IL1RAPL1: variants seen among roughly 807,000 people sequenced by gnomAD.
IL1RAPL1 encodes interleukin-1 receptor accessory protein-like 1.
In IL1RAPL1, 3 loss-of-function variants were observed where a neutral mutation model predicts 48.4. The observed-to-expected ratio is 0.06, with a 90% CI of 0.03 to 0.16. The LOEUF is 0.16. IL1RAPL1 is among the 10% of genes least tolerant of loss of function. The pLI, the probability that IL1RAPL1 is intolerant of heterozygous loss-of-function variation, is 1.00. For missense variants in IL1RAPL1, 349 were observed against 530.6 expected (o/e 0.66, Z 3.36); for synonymous variants, 185 against 187.7 (o/e 0.99, Z 0.12).
intron 6 of IL1RAPL1, among the ~76,000 whole-genome samples, chrX:29,879,365 G>A (rs866865304): frequency 6.5e-5 from 6 of 91,845 alleles, no homozygotes; most frequent in African/African-American, 2.7e-4. Context: ...ATATGTGTGT[G>A]TGTGTGTGTG....
At chrX:29,010,268 C>T (rs765732743) in intron 2 of IL1RAPL1, among the ~76,000 whole-genome samples, 2 of 111,885 alleles carry the variant, frequency 1.8e-5, no homozygotes, top group East Asian at 2.8e-4. Flanking sequence ...CTGGCTAGCA[C>T]TTCCAGTACT....
chrX:29,320,153 A>T (rs1204947231), intron 3 of IL1RAPL1, among the ~76,000 whole-genome samples: 1 of 112,458 alleles, frequency 8.9e-6, no homozygotes, highest in East Asian at 2.8e-4. Flanking sequence ...AAATAAAGGT[A>T]TCTTATTCTG....
intron 2 of IL1RAPL1, among the ~76,000 whole-genome samples, chrX:29,270,506 C>T (rs1048173965): frequency 8.9e-6 from 1 of 112,115 alleles, no homozygotes; most frequent in South Asian, 3.6e-4. Flanking sequence ...TACCCAAATA[C>T]TCCAGCACCA....
intron 3 of IL1RAPL1, among the ~76,000 whole-genome samples, chrX:29,314,775 A>G (rs1394384780): frequency 1.8e-5 from 2 of 112,239 alleles, no homozygotes; most frequent in African/African-American, 6.5e-5. Flanking sequence ...GCTGTTAAAT[A>G]TATTTTTCAA....
At chrX:29,774,219 C>CT (rs1929137681) in intron 6 of IL1RAPL1, among the ~76,000 whole-genome samples, 1 of 104,973 alleles carries the variant, frequency 9.5e-6, no homozygotes, top group Admixed American at 1.1e-4. Flanking sequence ...TTTAAATAGG[C>CT]TTTATAAAGG....
chrX:29,553,577 C>T lies in IL1RAPL1; in HGVS notation c.704-114853C>T, dbSNP rs571910176. Among the ~76,000 whole-genome samples the T allele has an allele frequency of 9.8e-5, 11 of 111,701 alleles. No individual in the cohort carries two copies. In the South Asian group the frequency reaches 4.2e-3, roughly 42 times the overall value. On this transcript the variant is annotated intron_variant, in intron 5 of 10. Coordinates refer to ENST00000378993, the MANE Select transcript of IL1RAPL1 (RefSeq NM_014271.4). Reference sequence around the variant, plus strand: ...TTTTTGCTTCCCCTCTTAGGTGAGACAGGAAAACCAGAGGGAGCTGGAGTT... The same window carrying T: ...TTTTTGCTTCCCCTCTTAGGTGAGATAGGAAAACCAGAGGGAGCTGGAGTT...
At chrX:28,804,569 T>A (rs1936708325) in intron 2 of IL1RAPL1, among the ~76,000 whole-genome samples, 1 of 111,404 alleles carries the variant, frequency 9.0e-6, no homozygotes, top group Non-Finnish European at 1.9e-5. Context: ...TTGTTGCTCC[T>A]TCCTGAACTC....
intron 8 of IL1RAPL1, among the ~76,000 whole-genome samples, chrX:29,921,976 A>G (rs1245811249): frequency 1.8e-5 from 2 of 111,616 alleles, no homozygotes; most frequent in East Asian, 5.6e-4. Flanking sequence ...TTAATTAAAG[A>G]GTTTGAATTA....
intron 6 of IL1RAPL1, among the ~76,000 whole-genome samples, chrX:29,813,576 T>C (rs777647094): frequency 1.3e-4 from 14 of 111,972 alleles, no homozygotes; most frequent in Admixed American, 1.0e-3. Context: ...TTTTATTTTT[T>C]AATTTTTAAA....
intron 6 of IL1RAPL1, among the ~76,000 whole-genome samples, chrX:29,895,256 C>G (rs1047594625): frequency 9.0e-6 from 1 of 111,649 alleles, no homozygotes; most frequent in South Asian, 3.8e-4. Flanking sequence ...TAAATAAGAG[C>G]TATTGTGTAT....
intron 2 of IL1RAPL1, among the ~76,000 whole-genome samples, chrX:28,949,699 G>A (rs1924399651): frequency 1.8e-5 from 2 of 109,443 alleles, no homozygotes; most frequent in African/African-American, 6.7e-5. Context: ...GTGATGATGA[G>A]CATTTTTTCA....
At chrX:29,612,706 A>G (rs1169375412) in intron 5 of IL1RAPL1, among the ~76,000 whole-genome samples, 2 of 111,948 alleles carry the variant, frequency 1.8e-5, no homozygotes, top group African/African-American at 6.5e-5. Flanking sequence ...TTCACACTTC[A>G]ACAGTAGTGA....
chrX:28,744,359 C>T (rs1468698315), intron 1 of IL1RAPL1, among the ~76,000 whole-genome samples: 1 of 111,396 alleles, frequency 9.0e-6, no homozygotes, highest in African/African-American at 3.3e-5. Flanking sequence ...ATGTAATCTG[C>T]CTGACAATCC....
At chrX:29,788,885 A>G (rs1232629924) in intron 6 of IL1RAPL1, among the ~76,000 whole-genome samples, 1 of 111,976 alleles carries the variant, frequency 8.9e-6, no homozygotes, top group African/African-American at 3.2e-5. Flanking sequence ...GGATCACTAA[A>G]TAAATTTAGA....
intron 1 of IL1RAPL1, among the ~76,000 whole-genome samples, chrX:28,746,815 A>G (rs1028430209): frequency 8.9e-6 from 1 of 111,741 alleles, no homozygotes; most frequent in Non-Finnish European, 1.9e-5. Flanking sequence ...AAATATCAGT[A>G]TGTACTTGCA....
Position 29,803,277 on chromosome X carries a change from A to G in IL1RAPL1, c.779-114187A>G, listed in dbSNP as rs192191746. Among the ~76,000 whole-genome samples the G allele has an allele frequency of 1.0e-3, 36 of 34,514 alleles. 2 individuals carry two copies. Among genetic ancestry groups the G allele is most frequent in the African/African-American group, 4.6e-3 (35 of 7,534 alleles). 30.0% of individuals were successfully genotyped at this position (34,514 alleles called of 115,157 possible). Reference sequence around the variant, plus strand: ...TACACACATGTATATATGTATACATATACACACATGTATATATGTATACAT... The same window carrying G: ...TACACACATGTATATATGTATACATGTACACACATGTATATATGTATACAT... On this transcript the variant is annotated intron_variant, in intron 6 of 10. Coordinates refer to ENST00000378993, the MANE Select transcript of IL1RAPL1 (RefSeq NM_014271.4).
At chrX:29,647,157 C>G (rs748064988) in intron 5 of IL1RAPL1, among the ~76,000 whole-genome samples, 7 of 111,505 alleles carry the variant, frequency 6.3e-5, no homozygotes, top group Middle Eastern at 4.6e-3. Flanking sequence ...CAAGACCAGC[C>G]AGGCCAACAT....
intron 1 of IL1RAPL1, among the ~76,000 whole-genome samples, chrX:28,634,622 T>C (rs892055977): frequency 2.2e-4 from 24 of 110,422 alleles, no homozygotes; most frequent in African/African-American, 7.5e-4. Context: ...AAATTAAGTT[T>C]AATAGAATAT....
intron 2 of IL1RAPL1, among the ~76,000 whole-genome samples, chrX:28,866,719 TACATGGACAGAAAAATA>T (rs1922085989): frequency 9.0e-6 from 1 of 111,437 alleles, no homozygotes; most frequent in Non-Finnish European, 1.9e-5. Flanking sequence ...ACCTCTATTT[TACATGGACAGAAAAATA>T]AACACAGCAG....
Sources: gnomAD v4.1 joint callset for allele counts (sites outside exome capture counted in the v4.1 genomes callset) on GRCh38, gnomAD v4.1.1 for gene constraint, MANE v1.5 for transcripts, NCBI Gene and HGNC (gene_info 2026-07-23, HGNC 2026-07-21) for gene names.